TERT: variants seen among roughly 807,000 people sequenced by gnomAD.
TERT encodes the protein telomerase catalytic subunit.
Under a neutral mutation model 104.0 loss-of-function variants are expected in TERT, and 42 were observed. The ratio of observed to expected loss-of-function variants is 0.40; its 90% CI spans 0.32 to 0.52. TERT has a LOEUF of 0.52. TERT is among the 20% of genes least tolerant of loss of function. The probability of loss-of-function intolerance (pLI) is 0.43; values close to 1 mark genes in which losing one functional copy is unlikely to be tolerated. For missense variants in TERT, 1,101 were observed against 1,610.3 expected, an observed-to-expected ratio of 0.68 and a Z score of 5.41; for synonymous variants, 781 against 725.6, an observed-to-expected ratio of 1.08 and a Z score of -1.23.
chr5:1,289,297 G>A (rs548246093), intron 2 of TERT, among the ~76,000 whole-genome samples: 41 of 142,286 alleles, frequency 2.9e-4, no homozygotes, highest in African/African-American at 8.4e-4. Context: ...CAGGGACGGC[G>A]CCTCACTCAC....
At position 1,262,963 on chromosome 5, in the gene TERT, A is replaced by T. The variant is rs1748335342; in HGVS notation, c.2843+1441T>A. Among the ~76,000 whole-genome samples, 1 of 152,224 alleles carries T rather than the reference A, an allele frequency of 6.6e-6. No individual in the cohort carries two copies. Among genetic ancestry groups the T allele is most frequent in the African/African-American group, 2.4e-5 (1 of 41,450 alleles). ...GCAGACAAAGCCAGTGGAGGCCAGG[A>T]CCAGGTAAGGCTGTGAGAGGGAAGC... On this transcript the variant is annotated intron_variant, in intron 11 of 15. Transcript: ENST00000310581. The surrounding 1 kb of genome is among the most constrained non-coding windows in gnomAD (Gnocchi z 5.6).
At chr5:1,253,966 G>A (rs971116193) in intron 15 of TERT, 135 bp from the exon 16 acceptor site, 2 of 960,180 alleles carry the variant, frequency 2.1e-6, no homozygotes, top group African/African-American at 3.2e-5. Context: ...TCAGTGAAGG[G>A]ACAGACACCC....
rs750159404 is a variant in TERT, at chr5:1,293,359, C to A, written c.1527G>T (p.Thr509=). The change falls in exon 2 of 16, where the codon ACG becomes ACT. Residue 509 remains threonine, a synonymous_variant. Transcript: ENST00000310581. ...KHAKLSLQEL[T]WKMSVRDCAW... is the part of the protein sequence containing the mutation. The stretch of plus-strand genomic sequence containing the variant: ...CGCAGTCCCGCACGCTCATCTTCCA[C>A]GTCAGCTCCTGCAGCGAGAGCTTGG... 17 of 1,613,354 alleles carry A rather than the reference C, an allele frequency of 1.1e-5. No homozygotes were observed. Among genetic ancestry groups the A allele is most frequent in the Non-Finnish European group, 1.4e-5 (17 of 1,180,028 alleles).
intron 2 of TERT, among the ~76,000 whole-genome samples, chr5:1,290,263 G>A (rs1305884499): frequency 1.5e-5 from 1 of 66,462 alleles, no homozygotes; most frequent in Non-Finnish European, 2.7e-5. Flanking sequence ...CGGGGGCCGT[G>A]CCTCACTCAC....
chr5:1,294,430 C>G lies in TERT; in HGVS notation c.456G>C (p.Leu152=), dbSNP rs757121533. 5 of 1,592,040 alleles carry G rather than the reference C, an allele frequency of 3.1e-6. No individual in the cohort carries two copies. Among genetic ancestry groups the G allele is most frequent in the African/African-American group, 2.7e-5 (2 of 74,802 alleles). The change falls in exon 2 of 16, where the codon CTG becomes CTC. Residue 152 remains leucine (L), a synonymous_variant. Coordinates refer to ENST00000310581, the MANE Select transcript of TERT (RefSeq NM_198253.3). ...RRVGDDVLVH[L]LARCALFVLV... is the part of the protein sequence containing the mutation. ...GCACAAAGAGCGCGCAGCGTGCCAG[C>G]AGGTGAACCAGCACGTCGTCGCCCA...
chr5:1,291,379 G>A (rs796593102), intron 2 of TERT, among the ~76,000 whole-genome samples: 2 of 75,872 alleles, frequency 2.6e-5, no homozygotes, highest in African/African-American at 6.9e-5. Flanking sequence ...CACGTGACAG[G>A]GACACCCGGG....
chr5:1,273,457 C>CAA (rs1749270859), intron 6 of TERT, among the ~76,000 whole-genome samples: 1 of 65,918 alleles, frequency 1.5e-5, no homozygotes, highest in African/African-American at 6.7e-5. Context: ...ACCCCTGTGA[C>CAA]CGATCGCCAT....
Position 1,292,484 on chromosome 5 carries a change from C to T in TERT, c.1573+829G>A, listed in dbSNP as rs1416236280. 6.6e-6 allele frequency among the ~76,000 whole-genome samples: 1 copy of T among 151,918 alleles called. No individual in the cohort carries two copies. The highest frequency in any genetic ancestry group is 1.5e-5 in the Non-Finnish European group (1 of 68,014). ...TGCTGGAGAACAGTCTTATCTCCCTCCCTCTACCCTGTCCTGGCACAATCA... is the reference window on the plus strand; with the variant it reads ...TGCTGGAGAACAGTCTTATCTCCCTTCCTCTACCCTGTCCTGGCACAATCA... On this transcript the variant is annotated intron_variant, in intron 2 of 15. Transcript: ENST00000310581. The surrounding 1 kb of genome is among the most constrained non-coding windows in gnomAD (Gnocchi z 5.5).
chr5:1,287,497 C>CAA lies in TERT; in HGVS notation c.1574-4875_1574-4874dup, dbSNP rs11291391. ...TGGGCGACAGACCAAGACTCTGTCT[C>CAA]AAAAAAAAAAAATATATATATATAT... On this transcript the variant is annotated intron_variant, in intron 2 of 15. Coordinates refer to ENST00000310581, the MANE Select transcript of TERT (RefSeq NM_198253.3). The surrounding 1 kb of genome is among the most constrained non-coding windows in gnomAD (Gnocchi z 4.3). Among the ~76,000 whole-genome samples, 1,027 of 136,070 alleles carry CAA rather than the reference C, an allele frequency of 7.5e-3. 8 individuals are homozygous for CAA. Among genetic ancestry groups the CAA allele is most frequent in the South Asian group, 0.022 (89 of 4,078 alleles). The allele number at this position is 136,070 out of a possible 152,430, so 89.3% of individuals were successfully genotyped here. A position where few individuals can be genotyped will look rare whatever the true frequency, so the allele number is the denominator to read the frequency against.
intron 6 of TERT, among the ~76,000 whole-genome samples, chr5:1,276,115 C>T (rs1561200780): frequency 6.8e-6 from 1 of 147,700 alleles, no homozygotes; most frequent in East Asian, 2.1e-4. Context: ...CCCACAGATC[C>T]CCACCTACCC....
intron 10 of TERT, 151 bp downstream of exon 10, chr5:1,266,313 C>T: frequency 1.3e-6 from 1 of 791,698 alleles, no homozygotes. Flanking sequence ...GGGTGCACGG[C>T]CAAGCGCCTC....
In TERT at chr5:1,269,083, G is replaced by A. The variant is rs1321346226; in HGVS notation, c.2469-450C>T. On this transcript the variant is annotated intron_variant, in intron 8 of 15. Transcript: ENST00000310581. This position sits in a 1 kb window ranked among gnomAD's most constrained non-coding sequence, Gnocchi z 9.0. ...TGCCCCTAGTTTCAGCATGACCAACGAGAAGCAGAAACTCTCCAAACAAGG... is the reference window on the plus strand; with the variant it reads ...TGCCCCTAGTTTCAGCATGACCAACAAGAAGCAGAAACTCTCCAAACAAGG... 6.6e-6 allele frequency among the ~76,000 whole-genome samples: 1 copy of A among 151,770 alleles called. No individual in the cohort carries two copies. Among genetic ancestry groups the A allele is most frequent in the Non-Finnish European group, 1.5e-5 (1 of 67,988 alleles).
intron 9 of TERT, among the ~76,000 whole-genome samples, chr5:1,267,027 G>A (rs1450016350): frequency 6.6e-6 from 1 of 152,234 alleles, no homozygotes; most frequent in African/African-American, 2.4e-5. Flanking sequence ...TGGGCCAGAG[G>A]TATCCTGTCC....
rs539658406 is a variant in TERT at position 1,262,983 on chromosome 5, G to A, written c.2843+1421C>T. On this transcript the variant is annotated intron_variant, in intron 11 of 15. Transcript: ENST00000310581. This position sits in a 1 kb window ranked among gnomAD's most constrained non-coding sequence, Gnocchi z 5.6. ...CCAGGACCAGGTAAGGCTGTGAGAG[G>A]GAAGCAGGGACTGTGGGGAGCACAG... 6.6e-6 allele frequency among the ~76,000 whole-genome samples: 1 copy of A among 152,336 alleles called. No individual in the cohort carries two copies. Among genetic ancestry groups the A allele is most frequent in the South Asian group, 2.1e-4 (1 of 4,822 alleles).
Position 1,255,379 on chromosome 5 carries a change from T to A in TERT, c.3065A>T (p.His1022Leu), listed in dbSNP as rs878855304. The change falls in exon 14 of 16, where the codon CAT (histidine) becomes CTT (leucine). Residue 1022 changes from histidine to leucine, a missense_variant. This residue lies in a region of TERT where 463 missense variants were observed against 797.5 expected (regional missense o/e 0.58). Transcript: ENST00000310581. This position sits in a 1 kb window ranked among gnomAD's most constrained non-coding sequence, Gnocchi z 6.9. Reference protein sequence around the residue: ...FHACVLQLPFHQQVWKNPTFF... With the variant: ...FHACVLQLPFLQQVWKNPTFF... ...TGTGGGGTTCTTCCAAACTTGCTGA[T>A]GAAATGGGAGCTGCAGCACACATGC... is the stretch of plus-strand genomic sequence containing the variant. 6.2e-7 allele frequency: 1 copy of A among 1,614,198 alleles called. No individual in the cohort carries two copies. The highest frequency in any genetic ancestry group is 8.5e-7 in the Non-Finnish European group (1 of 1,180,040).
In TERT at chr5:1,294,457, G is replaced by A; in HGVS notation, c.429C>T (p.Arg143=). 2.5e-6 allele frequency: 4 copies of A among 1,592,142 alleles called. No individual in the cohort carries two copies. The highest frequency in any genetic ancestry group is 3.4e-6 in the Non-Finnish European group (4 of 1,177,180). The change falls in exon 2 of 16, where the codon CGC becomes CGT. Residue 143 remains arginine (R), a synonymous_variant. Transcript: ENST00000310581. ...GSGAWGLLLR[R]VGDDVLVHLL... is the part of the protein sequence containing the mutation. ...GGTGAACCAGCACGTCGTCGCCCAC[G>A]CGGCGCAGCAGCAGCCCCCACGCCC... is the stretch of plus-strand genomic sequence containing the variant.
At position 1,274,338 on chromosome 5, in the gene TERT, T is replaced by A. The variant is rs1383697484; in HGVS notation, c.2287-2058A>T. The stretch of plus-strand genomic sequence containing the variant: ...ATGGGTCTGAGGTCGGCGGAAAGCA[T>A]CACAGAAATCCGTAATTATTCTGGA... On this transcript the variant is annotated intron_variant, in intron 6 of 15. Transcript: ENST00000310581. This position sits in a 1 kb window ranked among gnomAD's most constrained non-coding sequence, Gnocchi z 5.3. Among the ~76,000 whole-genome samples the A allele has an allele frequency of 6.6e-6, 1 of 152,180 alleles. No homozygotes were observed. Among genetic ancestry groups the A allele is most frequent in the African/African-American group, 2.4e-5 (1 of 41,438 alleles).
In TERT at chr5:1,294,948, C is replaced by A. The variant is rs2126692781; in HGVS notation, c.42G>T (p.Leu14=). 7.2e-7 allele frequency: 1 copy of A among 1,393,494 alleles called. No homozygotes were observed. Among genetic ancestry groups the A allele is most frequent in the Non-Finnish European group, 9.3e-7 (1 of 1,079,158 alleles). 86.3% of individuals were successfully genotyped at this position (1,393,494 alleles called of 1,614,324 possible). The part of the protein sequence containing the change: ...APRCRAVRSL[L]RSHYREVLPL... Reference sequence around the variant, plus strand: ...GCAGCACCTCGCGGTAGTGGCTGCGCAGCAGGGAGCGCACGGCTCGGCAGC... The same window carrying A: ...GCAGCACCTCGCGGTAGTGGCTGCGAAGCAGGGAGCGCACGGCTCGGCAGC... The change falls in exon 1 of 16, where the codon CTG becomes CTT. Residue 14 remains leucine (L), a synonymous_variant. Coordinates refer to ENST00000310581, the MANE Select transcript of TERT (RefSeq NM_198253.3).
intron 6 of TERT, among the ~76,000 whole-genome samples, chr5:1,276,956 G>A (rs1187134784): frequency 6.6e-6 from 1 of 152,240 alleles, no homozygotes; most frequent in Non-Finnish European, 1.5e-5. Context: ...GAGATTCACA[G>A]TGCACGCATG....
Sources: gnomAD v4.1 joint callset for allele counts (sites outside exome capture counted in the v4.1 genomes callset) on GRCh38, gnomAD v4.1.1 for gene constraint, gnomAD v4.1.1 regional missense constraint, Gnocchi (gnomAD v3.1) non-coding constraint, MANE v1.5 for transcripts, NCBI Gene and HGNC (gene_info 2026-07-23, HGNC 2026-07-21) for gene names.